The following CCDC39 variants were observed in gnomAD, a reference collection of about 807,000 sequenced individuals.
CCDC39 encodes the protein coiled-coil domain-containing protein 39.
A neutral mutation model predicts 121.0 loss-of-function variants in CCDC39; 113 were observed. That is an observed-to-expected ratio of 0.93 (90% CI 0.80 to 1.09). The LOEUF is 1.09. CCDC39 is among the 50% of genes least tolerant of loss of function. The probability of loss-of-function intolerance (pLI) is 0.00; values close to 1 mark genes in which losing one functional copy is unlikely to be tolerated. For synonymous variants in CCDC39, 349 were observed against 352.2 expected (o/e 0.99, Z 0.10); for missense variants, 1,063 against 1,074.7 (o/e 0.99, Z 0.15).
chr3:180,654,053 C>CAA (rs578183788), intron 7 of CCDC39, among the ~76,000 whole-genome samples: 33 of 124,336 alleles, frequency 2.7e-4, no homozygotes, highest in Admixed American at 9.1e-4. Context: ...ACTGTACTGG[C>CAA]AAAAAAAAAA....
chr3:180,665,918 GT>G (rs1334676999), intron 1 of CCDC39, among the ~76,000 whole-genome samples: 1 of 151,922 alleles, frequency 6.6e-6, no homozygotes, highest in African/African-American at 2.4e-5. Context: ...CCTACAAAAT[GT>G]TTGTTTGTAC....
rs753080954 is a variant in CCDC39 at position 180,647,291 on chromosome 3, T to C, written c.1363-48A>G. On this transcript the variant is annotated intron_variant, in intron 10 of 19. Transcript: ENST00000476379. ...AGGTATTACAAAGAAAAAAAAAGCA[T>C]TTCTACAAGTGTAAAAACAAAGTGA... The C allele has an allele frequency of 6.8e-6, 10 of 1,464,796 alleles. No individual in the cohort carries two copies. In the Admixed American group the frequency reaches 2.4e-4, roughly 35 times the overall value. The allele number at this position is 1,464,796 out of a possible 1,614,324, so 90.7% of individuals were successfully genotyped here. A position where few individuals can be genotyped will look rare whatever the true frequency, so the allele number is the denominator to read the frequency against.
intron 1 of CCDC39, among the ~76,000 whole-genome samples, chr3:180,676,421 T>A (rs200229314): frequency 0.027 from 2,659 of 97,656 alleles, no homozygotes; most frequent in East Asian, 0.034. Context: ...ATCAGAGAAA[T>A]GCAAATCAAA....
chr3:180,655,215 GC>G (rs1164304096), intron 6 of CCDC39, among the ~76,000 whole-genome samples: 1 of 152,024 alleles, frequency 6.6e-6, no homozygotes, highest in Non-Finnish European at 1.5e-5. Flanking sequence ...AAATGGTTAT[GC>G]TTTTATATAT....
chr3:180,624,943 T>TAAC (rs923731644), intron 14 of CCDC39, among the ~76,000 whole-genome samples: 1 of 152,196 alleles, frequency 6.6e-6, no homozygotes, highest in African/African-American at 2.4e-5. Context: ...TTGCTAATTT[T>TAAC]AACTTTTCTC....
chr3:180,663,718 T>C, intron 2 of CCDC39, 149 bp downstream of exon 2: 1 of 775,866 alleles, frequency 1.3e-6, no homozygotes. Context: ...TAAGCCTTTT[T>C]CTATCTACTT....
intron 13 of CCDC39, among the ~76,000 whole-genome samples, chr3:180,639,784 A>G (rs1717912920): frequency 6.6e-6 from 1 of 152,138 alleles, no homozygotes; most frequent in South Asian, 2.1e-4. Flanking sequence ...ATTGAAATAA[A>G]ATTTTAGAAA....
At chr3:180,649,051 C>T (rs370780036) in intron 9 of CCDC39, among the ~76,000 whole-genome samples, 3 of 151,942 alleles carry the variant, frequency 2.0e-5, no homozygotes, top group South Asian at 2.1e-4. Context: ...TTTTTGTAAA[C>T]GCTATTTATT....
intron 1 of CCDC39, among the ~76,000 whole-genome samples, chr3:180,671,303 A>G (rs562754330): frequency 6.6e-6 from 1 of 152,186 alleles, no homozygotes; most frequent in Admixed American, 6.5e-5. Context: ...AAACTGCTGC[A>G]TAATCTGACC....
chr3:180,631,876 A>AAGTT (rs1717706092), intron 13 of CCDC39, among the ~76,000 whole-genome samples: 1 of 152,224 alleles, frequency 6.6e-6, no homozygotes, highest in Non-Finnish European at 1.5e-5. Flanking sequence ...GAAAGCTGAC[A>AAGTT]AGTTAGCCTG....
intron 12 of CCDC39, among the ~76,000 whole-genome samples, chr3:180,643,583 C>T (rs187443048): frequency 8.9e-4 from 135 of 152,236 alleles, no homozygotes; most frequent in African/African-American, 3.0e-3. Flanking sequence ...TGCTTACATA[C>T]TACTGATAGG....
At chr3:180,625,350 T>A (rs1251483187) in intron 14 of CCDC39, among the ~76,000 whole-genome samples, 34 of 145,676 alleles carry the variant, frequency 2.3e-4, no homozygotes. Flanking sequence ...CTATTTTTCT[T>A]TTTTTTTTTT....
At chr3:180,666,675 G>A (rs1711886228) in intron 1 of CCDC39, among the ~76,000 whole-genome samples, 1 of 152,092 alleles carries the variant, frequency 6.6e-6, no homozygotes, top group African/African-American at 2.4e-5. Context: ...CTCTCCATAA[G>A]TTGAAAAGCC....
chr3:180,655,933 C>A (rs546226474), intron 6 of CCDC39, among the ~76,000 whole-genome samples: 1 of 152,072 alleles, frequency 6.6e-6, no homozygotes, highest in South Asian at 2.1e-4. Flanking sequence ...GCATGTATTC[C>A]AAAATGAGGT....
intron 6 of CCDC39, among the ~76,000 whole-genome samples, chr3:180,655,506 G>A (rs888186343): frequency 4.0e-5 from 6 of 149,780 alleles, no homozygotes; most frequent in Non-Finnish European, 5.9e-5. Context: ...GTCATTAGTC[G>A]ACATTATACT....
chr3:180,618,732 T>C (rs151097624), intron 16 of CCDC39, among the ~76,000 whole-genome samples: 2 of 152,186 alleles, frequency 1.3e-5, no homozygotes, highest in African/African-American at 4.8e-5. Flanking sequence ...ACAAAGGATA[T>C]GAACTCATCC....
Position 180,663,859 on chromosome 3 carries a change from T to C in CCDC39, c.210+8A>G. On this transcript the variant is annotated splice_region_variant and intron_variant, in intron 2 of 19. Transcript: ENST00000476379. ...CGATATAATCAACATAAATTTCAGT[T>C]ACTGTACCTGTGTAATTGAGAGCTC... The C allele has an allele frequency of 1.2e-6, 2 of 1,611,490 alleles. No individual in the cohort carries two copies. Among genetic ancestry groups the C allele is most frequent in the Non-Finnish European group, 8.5e-7 (1 of 1,179,056 alleles).
intron 7 of CCDC39, among the ~76,000 whole-genome samples, chr3:180,653,063 C>T (rs1711511085): frequency 6.6e-6 from 1 of 152,154 alleles, no homozygotes; most frequent in African/African-American, 2.4e-5. Context: ...TTAACATGGT[C>T]ATACTATTCA....
chr3:180,626,645 G>A (rs75359536), intron 14 of CCDC39, among the ~76,000 whole-genome samples: 4,071 of 152,280 alleles, frequency 0.027, 88 homozygotes, highest in Middle Eastern at 0.11. Flanking sequence ...GTGGGGCACG[G>A]TGTAGCATTA....
Sources: gnomAD v4.1 joint callset for allele counts (sites outside exome capture counted in the v4.1 genomes callset) on GRCh38, gnomAD v4.1.1 for gene constraint, MANE v1.5 for transcripts, NCBI Gene and HGNC (gene_info 2026-07-23, HGNC 2026-07-21) for gene names.